NAALADL2: variants seen among roughly 807,000 people sequenced by gnomAD.
NAALADL2 encodes inactive N-acetylated-alpha-linked acidic dipeptidase-like protein 2.
A neutral mutation model predicts 87.2 loss-of-function variants in NAALADL2; 76 were observed. The ratio of observed to expected loss-of-function variants is 0.87; its 90% confidence interval spans 0.72 to 1.05. The LOEUF is 1.05. Ranked by LOEUF, NAALADL2 falls within the 50% of genes least tolerant of loss-of-function variation. NAALADL2 has a pLI of 0.00. For missense variants in NAALADL2, 1,089 were observed against 945.8 expected, an observed-to-expected ratio of 1.15 and a Z score of -1.99; for synonymous variants, 354 against 331.0, an observed-to-expected ratio of 1.07 and a Z score of -0.75.
At chr3:174,943,067 G>A (rs1000893165) in intron 1 of NAALADL2, among the ~76,000 whole-genome samples, 18 of 152,136 alleles carry the variant, frequency 1.2e-4, no homozygotes, top group African/African-American at 4.3e-4. Flanking sequence ...ATGAACTCTT[G>A]TTGCAAAATT....
intron 2 of NAALADL2, among the ~76,000 whole-genome samples, chr3:174,693,152 A>G (rs1050868290): frequency 6.6e-6 from 1 of 151,904 alleles, no homozygotes; most frequent in African/African-American, 2.4e-5. Context: ...TCCAATCACT[A>G]TTCACCAGGA....
At chr3:174,794,428 G>A (rs374351078) in intron 3 of NAALADL2, among the ~76,000 whole-genome samples, 16 of 152,092 alleles carry the variant, frequency 1.1e-4, no homozygotes, top group African/African-American at 3.1e-4. Context: ...AATGAAGGAT[G>A]GGGAATGAAA....
intron 2 of NAALADL2, among the ~76,000 whole-genome samples, chr3:174,697,379 A>C (rs1044282350): frequency 2.0e-5 from 3 of 152,204 alleles, no homozygotes; most frequent in Admixed American, 6.5e-5. Context: ...GTTAAAAGTA[A>C]ATTTTTATGA....
At chr3:174,565,545 T>C (rs1030595345) in intron 2 of NAALADL2, among the ~76,000 whole-genome samples, 2 of 152,108 alleles carry the variant, frequency 1.3e-5, no homozygotes, top group African/African-American at 4.8e-5. Context: ...ATTTTATAAG[T>C]GTTCCAGTTT....
intron 1 of NAALADL2, among the ~76,000 whole-genome samples, chr3:174,979,194 G>A (rs1260066724): frequency 2.7e-5 from 4 of 150,810 alleles, no homozygotes; most frequent in Admixed American, 2.0e-4. Flanking sequence ...GCTCTCTTCT[G>A]GAGTCCTCTA....
At position 175,803,788 on chromosome 3, in the gene NAALADL2, A is replaced by ACCAGT; in HGVS notation, c.*585_*586insCCAGT. 1 of 152,386 alleles carries ACCAGT rather than the reference A, an allele frequency of 6.6e-6. No homozygotes were observed. The highest frequency in any genetic ancestry group is 1.5e-5 in the Non-Finnish European group (1 of 67,912). The allele number at this position is 152,386 out of a possible 1,614,324, so 9.4% of individuals were successfully genotyped here. On this transcript the variant is annotated 3_prime_UTR_variant, in exon 14 of 14. Coordinates refer to ENST00000454872, the MANE Select transcript of NAALADL2 (RefSeq NM_207015.3). ...CTGGTTATGAAATTGTATTTTTTTA[A>ACCAGT]GTATTAATGAAAAAAGAGCCATAAG... is the stretch of plus-strand genomic sequence containing the variant.
intron 2 of NAALADL2, among the ~76,000 whole-genome samples, chr3:174,707,531 C>G (rs1419475028): frequency 6.6e-6 from 1 of 151,394 alleles, no homozygotes; most frequent in East Asian, 2.0e-4. Flanking sequence ...TCATTCTCAG[C>G]AAACTATTGC....
intron 13 of NAALADL2, among the ~76,000 whole-genome samples, chr3:175,779,989 C>T (rs1323297930): frequency 6.6e-6 from 1 of 151,978 alleles, no homozygotes; most frequent in Non-Finnish European, 1.5e-5. Context: ...ATAGTCAGGG[C>T]CGGGCGCGGT....
chr3:175,247,921 C>G (rs1694294335), intron 3 of NAALADL2, among the ~76,000 whole-genome samples: 1 of 152,112 alleles, frequency 6.6e-6, no homozygotes, highest in South Asian at 2.1e-4. Context: ...TGTTCTATCT[C>G]AAAATCTTCA....
At chr3:174,966,422 G>C (rs1188365171) in intron 1 of NAALADL2, among the ~76,000 whole-genome samples, 1 of 152,182 alleles carries the variant, frequency 6.6e-6, no homozygotes, top group Non-Finnish European at 1.5e-5. Flanking sequence ...GATTCACAGA[G>C]ACCAGCAAGG....
At chr3:175,020,931 A>G (rs939083814) in intron 1 of NAALADL2, among the ~76,000 whole-genome samples, 6 of 152,094 alleles carry the variant, frequency 3.9e-5, no homozygotes, top group African/African-American at 1.4e-4. Flanking sequence ...TTGGTTTGCA[A>G]TAGCATATTC....
At chr3:175,466,041 G>A (rs1723967471) in intron 7 of NAALADL2, among the ~76,000 whole-genome samples, 1 of 152,128 alleles carries the variant, frequency 6.6e-6, no homozygotes, top group Non-Finnish European at 1.5e-5. Context: ...CTAAGGCATC[G>A]AAAGTTGAAA....
intron 9 of NAALADL2, among the ~76,000 whole-genome samples, chr3:175,484,303 A>G (rs1470309774): frequency 6.6e-6 from 1 of 152,148 alleles, no homozygotes; most frequent in Non-Finnish European, 1.5e-5. Context: ...CACTGAAAAT[A>G]TCTGTTTTTG....
chr3:175,338,259 C>T lies in NAALADL2; in HGVS notation c.1090+13934C>T, dbSNP rs563657196. 4.1e-4 allele frequency among the ~76,000 whole-genome samples: 62 copies of T among 152,064 alleles called. No individual in the cohort carries two copies. In the South Asian group the frequency reaches 0.011, roughly 26 times the overall value. ...GATATGGCCTAAATGAAAATCCATG[C>T]GATGGGAAGAATCTGATCCATTTTA... On this transcript the variant is annotated intron_variant, in intron 5 of 13. Transcript: ENST00000454872.
Position 174,507,887 on chromosome 3 carries a change from G to A in NAALADL2, c.-183-42682G>A, listed in dbSNP as rs191592721. ...CATACAGGTCCATGCATGGATATAA[G>A]TTTTTATTTTCCTAGGGTAAATTAA... is the stretch of plus-strand genomic sequence containing the variant. On this transcript the variant is annotated intron_variant, in intron 1 of 3. Transcript: ENST00000434257. 5.9e-5 allele frequency among the ~76,000 whole-genome samples: 9 copies of A among 152,126 alleles called. No homozygotes were observed. In the East Asian group the frequency reaches 1.4e-3, roughly 23 times the overall value.
At chr3:175,775,799 T>C (rs140263022) in intron 13 of NAALADL2, among the ~76,000 whole-genome samples, 153 of 152,212 alleles carry the variant, frequency 1.0e-3, no homozygotes, top group African/African-American at 3.4e-3. Context: ...TGTGTTAACA[T>C]CACAGGAGTC....
At chr3:174,828,474 A>T (rs1722249453) in intron 3 of NAALADL2, among the ~76,000 whole-genome samples, 1 of 152,210 alleles carries the variant, frequency 6.6e-6, no homozygotes, top group Non-Finnish European at 1.5e-5. Context: ...TTGCTGTATC[A>T]TGGAGTAAAG....
At chr3:175,292,621 C>CACACACAA (rs759687998) in intron 4 of NAALADL2, among the ~76,000 whole-genome samples, 1 of 151,664 alleles carries the variant, frequency 6.6e-6, no homozygotes, top group African/African-American at 2.4e-5. Context: ...CACACACACA[C>CACACACAA]ACCTGAGGGG....
At chr3:175,330,449 A>T (rs1462028049) in intron 5 of NAALADL2, among the ~76,000 whole-genome samples, 1 of 152,134 alleles carries the variant, frequency 6.6e-6, no homozygotes, top group South Asian at 2.1e-4. Flanking sequence ...TCTTAAAAAA[A>T]AAAAAATTGA....
Sources: allele counts gnomAD v4.1 joint callset (sites outside exome capture counted in the v4.1 genomes callset), GRCh38; gene constraint gnomAD v4.1.1; transcripts MANE v1.5; gene names NCBI Gene and HGNC (gene_info 2026-07-23, HGNC 2026-07-21).